ATP11A: variants seen among roughly 807,000 people sequenced by gnomAD.
ATP11A encodes the protein ATPase phospholipid transporting 11A.
In ATP11A, 81 loss-of-function variants were observed where a neutral mutation model predicts 154.4. That is an observed-to-expected ratio of 0.52 (90% CI 0.44 to 0.63). The LOEUF (loss-of-function observed/expected upper bound fraction) is 0.63, where lower values mean the gene tolerates loss of function less well. ATP11A is among the 30% of genes least tolerant of loss of function. ATP11A has a pLI of 0.00. For missense variants in ATP11A, 1,316 were observed against 1,474.3 expected (o/e 0.89, Z 1.76); for synonymous variants, 623 against 585.9 (o/e 1.06, Z -0.91).
intron 14 of ATP11A, 85 bp from the exon 15 acceptor site, chr13:112,834,504 C>T: frequency 1.1e-6 from 1 of 878,602 alleles, no homozygotes; most frequent in Non-Finnish European, 1.9e-6. Flanking sequence ...GAAAAGAACG[C>T]TTTACCAAAA....
At chr13:112,860,493 C>T in intron 24 of ATP11A, 79 bp downstream of exon 24, 2 of 1,555,124 alleles carry the variant, frequency 1.3e-6, no homozygotes, top group Non-Finnish European at 1.8e-6. Flanking sequence ...CCAATAGCCA[C>T]CTGGCAGACC....
intron 16 of ATP11A, 129 bp downstream of exon 16, chr13:112,836,380 T>C (rs757072125): frequency 3.6e-6 from 2 of 550,908 alleles, no homozygotes; most frequent in Non-Finnish European, 3.1e-6. Context: ...TTAAAAACTA[T>C]AGACAAATCC....
intron 25 of ATP11A, among the ~76,000 whole-genome samples, chr13:112,869,727 A>G (rs1036377870): frequency 6.6e-6 from 1 of 152,230 alleles, no homozygotes; most frequent in Non-Finnish European, 1.5e-5. Context: ...GGCTGAAAGC[A>G]TCAGCTTCCA....
At chr13:112,829,782 T>C (rs2079039158) in intron 12 of ATP11A, among the ~76,000 whole-genome samples, 1 of 152,188 alleles carries the variant, frequency 6.6e-6, no homozygotes, top group Non-Finnish European at 1.5e-5. Context: ...ATCTTATATA[T>C]AGAAAAGCCT....
At chr13:112,801,491 G>A (rs530009060) in intron 2 of ATP11A, among the ~76,000 whole-genome samples, 1 of 152,326 alleles carries the variant, frequency 6.6e-6, no homozygotes, top group African/African-American at 2.4e-5. Context: ...TGGGAAGGAA[G>A]GAATAAGACT....
chr13:112,836,208 C>T lies in ATP11A; in HGVS notation c.1662C>T (p.Asp554=). 1.2e-6 allele frequency: 2 copies of T among 1,612,876 alleles called. No individual in the cohort carries two copies. The highest frequency in any genetic ancestry group is 1.7e-5 in the Admixed American group (1 of 59,932). The change falls in exon 16 of 30, where the codon GAC becomes GAT. Residue 554 remains aspartate, a synonymous_variant. Coordinates refer to ENST00000375645, the MANE Select transcript of ATP11A (RefSeq NM_015205.3). ...RFELLEILSF[D]SVRRRMSVIV... is the part of the protein sequence containing the mutation. ...AATTGCTGGAAATTTTGAGTTTTGACTCAGTCAGAAGGAGAATGAGTGTAA... is the reference window on the plus strand; with the variant it reads ...AATTGCTGGAAATTTTGAGTTTTGATTCAGTCAGAAGGAGAATGAGTGTAA...
chr13:112,785,284 A>G lies in ATP11A; in HGVS notation c.162+27A>G, dbSNP rs570781602. On this transcript the variant is annotated intron_variant, in intron 2 of 29. Coordinates refer to ENST00000375645, the MANE Select transcript of ATP11A (RefSeq NM_015205.3). This position sits in a 1 kb window ranked among gnomAD's most constrained non-coding sequence, Gnocchi z 4.8. ...TAACTTGGCTTGGGTCTGAGTGTCCATAATGTGTCTAAAAAGCAGCTGCCG... is the reference window on the plus strand; with the variant it reads ...TAACTTGGCTTGGGTCTGAGTGTCCGTAATGTGTCTAAAAAGCAGCTGCCG... 12 of 1,429,376 alleles carry G rather than the reference A, an allele frequency of 8.4e-6. No individual in the cohort carries two copies. The highest frequency in any genetic ancestry group is 1.6e-5 in the South Asian group (1 of 63,290). 88.5% of individuals were successfully genotyped at this position (1,429,376 alleles called of 1,614,324 possible).
At chr13:112,830,759 C>G (rs2079062450) in intron 12 of ATP11A, among the ~76,000 whole-genome samples, 1 of 152,192 alleles carries the variant, frequency 6.6e-6, no homozygotes. Flanking sequence ...TTCCAGAACT[C>G]CTACCTTCAG....
chr13:112,702,427 G>A (rs1390934905), intron 1 of ATP11A, among the ~76,000 whole-genome samples: 5 of 152,046 alleles, frequency 3.3e-5, no homozygotes, highest in Admixed American at 6.5e-5. Flanking sequence ...CCCCCCGCGT[G>A]TTCCAGTGGG....
rs1400989559 is a variant in ATP11A, at chr13:112,859,889, C to T, written c.2728-398C>T. 6.6e-6 allele frequency among the ~76,000 whole-genome samples: 1 copy of T among 152,202 alleles called. No individual in the cohort carries two copies. Among genetic ancestry groups the T allele is most frequent in the African/African-American group, 2.4e-5 (1 of 41,450 alleles). On this transcript the variant is annotated intron_variant, in intron 23 of 29. Coordinates refer to ENST00000375645, the MANE Select transcript of ATP11A (RefSeq NM_015205.3). The surrounding 1 kb of genome is among the most constrained non-coding windows in gnomAD (Gnocchi z 4.3). ...CCATCCGGGAGGGGTGAAGGACTCC[C>T]CGGGCATCTGCCCTAGATGGACACC...
At chr13:112,764,145 A>G (rs115877984) in intron 1 of ATP11A, among the ~76,000 whole-genome samples, 1,542 of 152,328 alleles carry the variant, frequency 0.01, 34 homozygotes, top group African/African-American at 0.034. Flanking sequence ...CGTAGCCCCC[A>G]TAAAAGCAGG....
chr13:112,741,620 T>A (rs1891556593), intron 1 of ATP11A, among the ~76,000 whole-genome samples: 1 of 152,176 alleles, frequency 6.6e-6, no homozygotes, highest in Non-Finnish European at 1.5e-5. Flanking sequence ...GTCCCTGTGC[T>A]GATCTGGGAC....
In ATP11A at chr13:112,696,191, G is replaced by A. The variant is rs1885778965; in HGVS notation, c.39+5736G>A. Among the ~76,000 whole-genome samples the A allele has an allele frequency of 6.6e-6, 1 of 152,166 alleles. No homozygotes were observed. The highest frequency in any genetic ancestry group is 1.9e-4 in the East Asian group (1 of 5,186). On this transcript the variant is annotated intron_variant, in intron 1 of 29. Coordinates refer to ENST00000375645, the MANE Select transcript of ATP11A (RefSeq NM_015205.3). This position sits in a 1 kb window ranked among gnomAD's most constrained non-coding sequence, Gnocchi z 6.2. ...GGGACAGGTCACGGCGCTCGTGCAC[G>A]CTGGGTGCCCAGTGCACGGGGCGTC...
intron 5 of ATP11A, among the ~76,000 whole-genome samples, chr13:112,813,403 T>A (rs1449269154): frequency 2.6e-5 from 4 of 152,152 alleles, no homozygotes; most frequent in African/African-American, 9.7e-5. Flanking sequence ...TTTCAGGCAG[T>A]CTAATTCCCT....
intron 8 of ATP11A, 39 bp downstream of exon 8, chr13:112,819,989 C>T: frequency 1.3e-6 from 2 of 1,529,670 alleles, no homozygotes; most frequent in South Asian, 1.2e-5. Context: ...CGGTCACCTC[C>T]CTTGTTGCGT....
chr13:112,762,007 C>T lies in ATP11A; in HGVS notation c.40-23128C>T, dbSNP rs149372518. ...CTCCCTACTGGAGTCAACTGCCTAG[C>T]CCTGTGGGTGTTTGAGTTCGTGACC... On this transcript the variant is annotated intron_variant, in intron 1 of 29. Coordinates refer to ENST00000375645, the MANE Select transcript of ATP11A (RefSeq NM_015205.3). Among the ~76,000 whole-genome samples, 191 of 152,288 alleles carry T rather than the reference C, an allele frequency of 1.3e-3. No individual in the cohort carries two copies. In the East Asian group the frequency reaches 0.013, roughly 10 times the overall value.
rs980708753 is a variant in ATP11A at position 112,838,291 on chromosome 13, C to T, written c.1705+2040C>T. Among the ~76,000 whole-genome samples, 6 of 152,166 alleles carry T rather than the reference C, an allele frequency of 3.9e-5. No individual in the cohort carries two copies. Among genetic ancestry groups the T allele is most frequent in the African/African-American group, 1.4e-4 (6 of 41,456 alleles). On this transcript the variant is annotated intron_variant, in intron 16 of 29. Transcript: ENST00000375645. This position sits in a 1 kb window ranked among gnomAD's most constrained non-coding sequence, Gnocchi z 7.3. Reference sequence around the variant, plus strand: ...CATCCTGGGTGGGAAGTTCCTGGTCCATCCCGTCACGTGGTTTTCCCCGTA... The same window carrying T: ...CATCCTGGGTGGGAAGTTCCTGGTCTATCCCGTCACGTGGTTTTCCCCGTA...
At chr13:112,867,815 G>A (rs1339864970) in intron 25 of ATP11A, among the ~76,000 whole-genome samples, 1 of 152,220 alleles carries the variant, frequency 6.6e-6, no homozygotes. Context: ...AGCCCTCTTG[G>A]TCCTTACGTA....
intron 2 of ATP11A, among the ~76,000 whole-genome samples, chr13:112,798,485 T>G (rs2078055331): frequency 6.6e-6 from 1 of 152,140 alleles, no homozygotes; most frequent in African/African-American, 2.4e-5. Context: ...GATAATAGCA[T>G]TTACTCAGTG....
Sources: allele counts gnomAD v4.1 joint callset (sites outside exome capture counted in the v4.1 genomes callset), GRCh38; gene constraint gnomAD v4.1.1; non-coding constraint Gnocchi (gnomAD v3.1); transcripts MANE v1.5; gene names NCBI Gene and HGNC (gene_info 2026-07-23, HGNC 2026-07-21).